RIN2: variants seen among roughly 807,000 people sequenced by gnomAD.
The protein encoded by RIN2 is RAB5 interacting protein 2.
In RIN2, 36 loss-of-function variants were observed where a neutral mutation model predicts 78.0. The ratio of observed to expected loss-of-function variants is 0.46; its 90% CI spans 0.35 to 0.61. The LOEUF is 0.61. Ranked by LOEUF, RIN2 falls within the 20% of genes least tolerant of loss-of-function variation. The pLI is 0.00. For synonymous variants in RIN2, 466 were observed against 466.8 expected (o/e 1.00, Z 0.02); for missense variants, 1,087 against 1,159.7 (o/e 0.94, Z 0.91).
chr20:19,858,324 C>T (rs1023733411), intron 2 of RIN2, among the ~76,000 whole-genome samples: 6 of 152,106 alleles, frequency 3.9e-5, no homozygotes, highest in Non-Finnish European at 5.9e-5. Context: ...ATTAGGAAAG[C>T]GAGGCCAACA....
At chr20:19,924,435 C>T (rs1197961005) in intron 3 of RIN2, among the ~76,000 whole-genome samples, 1 of 128,342 alleles carries the variant, frequency 7.8e-6, no homozygotes, top group African/African-American at 2.8e-5. Context: ...TTCATACCCC[C>T]ACCTTCATAC....
chr20:19,955,696 A>G (rs566335663), intron 4 of RIN2, among the ~76,000 whole-genome samples: 3 of 152,328 alleles, frequency 2.0e-5, no homozygotes, highest in Non-Finnish European at 2.9e-5. Context: ...CTTGTTAGCT[A>G]TTATGAGTAA....
At chr20:19,846,931 G>A (rs2036804832) in intron 2 of RIN2, among the ~76,000 whole-genome samples, 1 of 152,206 alleles carries the variant, frequency 6.6e-6, no homozygotes, top group African/African-American at 2.4e-5. Flanking sequence ...ATAATTACCT[G>A]AGAATACAGG....
At chr20:19,891,000 G>A (rs1284823588) in intron 3 of RIN2, among the ~76,000 whole-genome samples, 1 of 152,164 alleles carries the variant, frequency 6.6e-6, no homozygotes, top group Non-Finnish European at 1.5e-5. Flanking sequence ...TGTTTTCCCA[G>A]GTGAGCAAAT....
intron 3 of RIN2, among the ~76,000 whole-genome samples, chr20:19,930,081 T>G (rs1355896106): frequency 6.6e-6 from 1 of 150,994 alleles, no homozygotes; most frequent in Admixed American, 6.6e-5. Flanking sequence ...GAGGGAAAAG[T>G]TGCTGGGGGC....
chr20:19,888,912 T>A (rs1246502322), intron 2 of RIN2, among the ~76,000 whole-genome samples: 1 of 152,268 alleles, frequency 6.6e-6, no homozygotes, highest in Non-Finnish European at 1.5e-5. Flanking sequence ...AATTCAGAAC[T>A]GTGTTGTTAC....
chr20:19,783,692 T>C (rs1345748012), intron 1 of RIN2, among the ~76,000 whole-genome samples: 1 of 152,122 alleles, frequency 6.6e-6, no homozygotes, highest in African/African-American at 2.4e-5. Context: ...GGCAACAATA[T>C]GGAGTGTATT....
At chr20:19,930,629 C>T (rs939596113) in intron 3 of RIN2, among the ~76,000 whole-genome samples, 2 of 152,116 alleles carry the variant, frequency 1.3e-5, no homozygotes, top group African/African-American at 4.8e-5. Context: ...AGGCTGTGGC[C>T]GGCCCTCCCT....
chr20:19,904,465 A>G (rs2039132887), intron 3 of RIN2, among the ~76,000 whole-genome samples: 1 of 152,008 alleles, frequency 6.6e-6, no homozygotes, highest in Non-Finnish European at 1.5e-5. Flanking sequence ...GATGAGGGGC[A>G]GGGCTACTCA....
At chr20:19,984,031 C>T (rs1276267874) in intron 9 of RIN2, among the ~76,000 whole-genome samples, 1 of 138,608 alleles carries the variant, frequency 7.2e-6, no homozygotes, top group Non-Finnish European at 1.5e-5. Flanking sequence ...CCTCCCCCCT[C>T]CTCCCACCCA....
intron 5 of RIN2, 39 bp from the exon 6 acceptor site, chr20:19,960,661 G>T: frequency 7.0e-7 from 1 of 1,428,334 alleles, no homozygotes; most frequent in South Asian, 1.2e-5. Flanking sequence ...CAACATTCTA[G>T]ATATTTCCTA....
At chr20:19,965,413 G>A (rs1192724941) in intron 7 of RIN2, among the ~76,000 whole-genome samples, 1 of 152,038 alleles carries the variant, frequency 6.6e-6, no homozygotes, top group Non-Finnish European at 1.5e-5. Flanking sequence ...AAGGGAATGT[G>A]CATGCAAACC....
intron 3 of RIN2, among the ~76,000 whole-genome samples, chr20:19,914,971 C>T (rs1028502050): frequency 1.3e-4 from 20 of 152,166 alleles, no homozygotes; most frequent in African/African-American, 4.8e-4. Context: ...GCACAAGAGA[C>T]CCCTCTGTGG....
intron 2 of RIN2, among the ~76,000 whole-genome samples, chr20:19,833,647 A>G (rs187069088): frequency 7.7e-4 from 117 of 152,350 alleles, no homozygotes; most frequent in African/African-American, 2.7e-3. Flanking sequence ...AGGTATCTCT[A>G]TATGAGTAGT....
intron 2 of RIN2, among the ~76,000 whole-genome samples, chr20:19,868,820 C>G (rs1028951628): frequency 6.6e-6 from 1 of 152,110 alleles, no homozygotes; most frequent in African/African-American, 2.4e-5. Context: ...CTGGCTCACA[C>G]CTGTAATCCC....
chr20:19,889,355 G>A, intron 2 of RIN2: 3 of 1,248,734 alleles, frequency 2.4e-6, no homozygotes, highest in Admixed American at 3.9e-5. Context: ...AGAGGTGGGA[G>A]GTGGGCTGGC....
intron 1 of RIN2, among the ~76,000 whole-genome samples, chr20:19,796,370 T>C (rs777263646): frequency 1.6e-4 from 24 of 152,258 alleles, no homozygotes; most frequent in Non-Finnish European, 3.4e-4. Context: ...GCAATGTTTT[T>C]CAAGCTGTAG....
chr20:19,764,666 C>T (rs929506505), intron 1 of RIN2, among the ~76,000 whole-genome samples: 2 of 152,154 alleles, frequency 1.3e-5, no homozygotes, highest in East Asian at 1.9e-4. Context: ...AAAACCTTTC[C>T]ACTTCCTCAA....
chr20:19,842,386 G>A (rs1263943343), intron 2 of RIN2, among the ~76,000 whole-genome samples: 2 of 14,468 alleles, frequency 1.4e-4, no homozygotes, highest in African/African-American at 3.2e-4. Context: ...ACCATCCCTG[G>A]CTTTTTTTTT....
Sources: allele counts gnomAD v4.1 joint callset (sites outside exome capture counted in the v4.1 genomes callset), GRCh38; gene constraint gnomAD v4.1.1; transcripts MANE v1.5; gene names NCBI Gene and HGNC (gene_info 2026-07-23, HGNC 2026-07-21).